Variants in HOPX observed in about 807,000 individuals in gnomAD.
HOPX encodes the protein HOP homeobox.
Under a neutral mutation model 11.8 loss-of-function variants are expected in HOPX, and 5 were observed. That is an observed-to-expected ratio of 0.43 (90% CI 0.22 to 0.89). The LOEUF is 0.89. HOPX is among the 40% of genes least tolerant of loss of function. The pLI, the probability that HOPX is intolerant of heterozygous loss-of-function variation, is 0.28. For synonymous variants in HOPX, 49 were observed against 49.7 expected, an observed-to-expected ratio of 0.99 and a Z score of 0.06; for missense variants, 119 against 120.0, an observed-to-expected ratio of 0.99 and a Z score of 0.04.
intron 3 of HOPX, chr4:56,651,312 GT>G: frequency 6.5e-6 from 1 of 152,902 alleles, no homozygotes; most frequent in South Asian, 2.1e-4. Context: ...AAGCTCAACT[GT>G]TTTTTGAAGA....
At chr4:56,652,117 G>A (rs59514097) in intron 3 of HOPX, among the ~76,000 whole-genome samples, 16,999 of 152,058 alleles carry the variant, frequency 0.11, 1,267 homozygotes, top group East Asian at 0.27. Flanking sequence ...ATGCAACTTA[G>A]AAAGTTATTT....
chr4:56,651,867 A>AGTGT (rs1357851813), intron 3 of HOPX, among the ~76,000 whole-genome samples: 3 of 128,436 alleles, frequency 2.3e-5, no homozygotes, highest in South Asian at 2.4e-4. Context: ...AAAGAGAGAG[A>AGTGT]GAGAGAGTGT....
At chr4:56,676,891 C>T (rs13123983) in intron 1 of HOPX, among the ~76,000 whole-genome samples, 6,189 of 151,544 alleles carry the variant, frequency 0.041, 322 homozygotes, top group Middle Eastern at 0.092. Flanking sequence ...TTTTCAAGAA[C>T]TGCCACAATC....
At chr4:56,656,919 A>G (rs956952072) in intron 2 of HOPX, among the ~76,000 whole-genome samples, 3 of 152,192 alleles carry the variant, frequency 2.0e-5, no homozygotes, top group African/African-American at 7.2e-5. Flanking sequence ...TGGAGCCACA[A>G]TCCAACTGAG....
intron 1 of HOPX, chr4:56,664,606 G>A (rs1718335419): frequency 1.3e-5 from 2 of 152,036 alleles, no homozygotes; most frequent in Non-Finnish European, 2.9e-5. Flanking sequence ...AAAATCCAAT[G>A]CTGTATATTT....
At chr4:56,668,763 A>T (rs990795305) in intron 1 of HOPX, among the ~76,000 whole-genome samples, 2 of 152,236 alleles carry the variant, frequency 1.3e-5, no homozygotes, top group African/African-American at 4.8e-5. Context: ...ATACACTTTA[A>T]ATCCTCACTA....
chr4:56,674,123 T>A (rs576036359), intron 1 of HOPX, among the ~76,000 whole-genome samples: 39 of 151,668 alleles, frequency 2.6e-4, no homozygotes, highest in Middle Eastern at 3.4e-3. Context: ...AAAGTAGGGG[T>A]GGCCTCCTGC....
Position 56,655,479 on chromosome 4 carries a change from A to AG in HOPX, c.198+377dup, listed in dbSNP as rs763529611. Among the ~76,000 whole-genome samples the AG allele has an allele frequency of 7.9e-4, 121 of 152,292 alleles. 1 individual carries two copies. The highest frequency in any genetic ancestry group is 4.0e-3 in the Admixed American group (61 of 15,298). On this transcript the variant is annotated intron_variant, in intron 3 of 3. Coordinates refer to ENST00000420433, the MANE Select transcript of HOPX (RefSeq NM_032495.6). ...CCCGAAGGTTTCGCAGACAGACCAGAGGGGACCGAGCCGGGAAGGCGAGAC... is the reference window on the plus strand; with the variant it reads ...CCCGAAGGTTTCGCAGACAGACCAGAGGGGGACCGAGCCGGGAAGGCGAGAC...
intron 1 of HOPX, among the ~76,000 whole-genome samples, chr4:56,658,549 C>A (rs1460801873): frequency 6.6e-6 from 1 of 152,206 alleles, no homozygotes; most frequent in South Asian, 2.1e-4. Flanking sequence ...TATTTCTCTG[C>A]AAAGCTCTCA....
At chr4:56,674,985 CTGGGATTATAGGCACAA>C (rs1718935791) in intron 1 of HOPX, among the ~76,000 whole-genome samples, 1 of 150,736 alleles carries the variant, frequency 6.6e-6, no homozygotes, top group African/African-American at 2.5e-5. Flanking sequence ...TTGCAAAGTG[CTGGGATTATAGGCACAA>C]ACCACCATGC....
intron 1 of HOPX, among the ~76,000 whole-genome samples, chr4:56,667,991 C>A (rs1363100555): frequency 6.6e-6 from 1 of 152,166 alleles, no homozygotes; most frequent in Non-Finnish European, 1.5e-5. Context: ...GTGGTGCGAT[C>A]TCGGCTCACT....
At chr4:56,656,185 G>GC (rs942874396) in intron 2 of HOPX, 173 bp from the exon 3 acceptor site, 3 of 1,111,410 alleles carry the variant, frequency 2.7e-6, no homozygotes, top group Non-Finnish European at 3.4e-6. Flanking sequence ...GCTTACGGCT[G>GC]CCCCCCACCC....
chr4:56,650,861 T>C, intron 3 of HOPX: 2 of 1,499,180 alleles, frequency 1.3e-6, no homozygotes, highest in South Asian at 2.7e-5. Flanking sequence ...TCAATCGAAA[T>C]TCTACTGCTA....
At chr4:56,671,779 G>A (rs557971762) in intron 1 of HOPX, among the ~76,000 whole-genome samples, 25 of 152,088 alleles carry the variant, frequency 1.6e-4, no homozygotes, top group South Asian at 4.1e-4. Context: ...AGCATCAGCC[G>A]TGATACTGCA....
Position 56,657,840 on chromosome 4 carries a change from T to C in HOPX, c.-24A>G, listed in dbSNP as rs1717862224. The C allele has an allele frequency of 6.5e-7, 1 of 1,544,706 alleles. No homozygotes were observed. The highest frequency in any genetic ancestry group is 2.4e-5 in the East Asian group (1 of 40,896). ...ATAGGAAGACTAACTTTCTGAATGT[T>C]GCCCAGCTGGTGACCTGTGCTCCGC... On this transcript the variant is annotated 5_prime_UTR_variant, in exon 2 of 4. Coordinates refer to ENST00000420433, the MANE Select transcript of HOPX (RefSeq NM_032495.6).
At position 56,681,274 on chromosome 4, in the gene HOPX, G is replaced by A; in HGVS notation, c.-103C>T. 1 of 985,406 alleles carries A rather than the reference G, an allele frequency of 1.0e-6. No individual in the cohort carries two copies. The highest frequency in any genetic ancestry group is 1.7e-5 in the African/African-American group (1 of 57,344). 61.0% of individuals were successfully genotyped at this position (985,406 alleles called of 1,614,324 possible). A position where few individuals can be genotyped will look rare whatever the true frequency, so the allele number is the denominator to read the frequency against. On this transcript the variant is annotated 5_prime_UTR_variant, in exon 1 of 4. Coordinates refer to ENST00000420433, the MANE Select transcript of HOPX (RefSeq NM_032495.6). ...ACTTACGTGGAAGAGGCAAAGGCAA[G>A]CGCAAGCCCTGGGTTTGGAAGCTGT... is the stretch of plus-strand genomic sequence containing the variant.
At chr4:56,665,989 G>C (rs776977328) in intron 1 of HOPX, among the ~76,000 whole-genome samples, 3 of 152,142 alleles carry the variant, frequency 2.0e-5, no homozygotes, top group Non-Finnish European at 4.4e-5. Flanking sequence ...AGGTGGGCTC[G>C]AGGAACAGAA....
At chr4:56,671,871 T>C (rs1310628222) in intron 1 of HOPX, among the ~76,000 whole-genome samples, 3 of 152,102 alleles carry the variant, frequency 2.0e-5, no homozygotes, top group Non-Finnish European at 4.4e-5. Flanking sequence ...TTTGGACAAC[T>C]GTCTTAATTG....
intron 1 of HOPX, among the ~76,000 whole-genome samples, chr4:56,658,284 A>T (rs1717901345): frequency 6.6e-6 from 1 of 152,190 alleles, no homozygotes. Flanking sequence ...TACTGGTCTT[A>T]CATTTAATTT....
Sources: allele counts gnomAD v4.1 joint callset (sites outside exome capture counted in the v4.1 genomes callset), GRCh38; gene constraint gnomAD v4.1.1; transcripts MANE v1.5; gene names NCBI Gene and HGNC (gene_info 2026-07-23, HGNC 2026-07-21).